The following DTHD1 variants were observed in gnomAD, a reference collection of about 807,000 sequenced individuals.
DTHD1 encodes death domain containing 1, also known as death domain-containing protein 1.
A neutral mutation model predicts 74.8 loss-of-function variants in DTHD1; 59 were observed. That is an observed-to-expected ratio of 0.79 (90% CI 0.64 to 0.98). The LOEUF is 0.98. Among genes scored for constraint, DTHD1 ranks in the 50% least tolerant of loss-of-function variants. The pLI, the probability that DTHD1 is intolerant of heterozygous loss-of-function variation, is 0.00. For missense variants in DTHD1, 1,051 were observed against 1,065.4 expected (o/e 0.99, Z 0.19); for synonymous variants, 365 against 371.1 (o/e 0.98, Z 0.19).
chr4:36,306,207 A>G lies in DTHD1; in HGVS notation c.1660A>G (p.Ile554Val). 6.4e-7 allele frequency: 1 copy of G among 1,551,876 alleles called. No homozygotes were observed. The highest frequency in any genetic ancestry group is 8.7e-7 in the Non-Finnish European group (1 of 1,146,996). Reference sequence around the variant, plus strand: ...ATTATATAGGACAAAAATTGCCTCCATAAGAAAACCTAGGAAAAATGCCAG... The same window carrying G: ...ATTATATAGGACAAAAATTGCCTCCGTAAGAAAACCTAGGAAAAATGCCAG... The part of the protein sequence containing the change: ...SYFNRTKIAS[I>V]RKPRKNASEC... Residue 554 changes from isoleucine to valine, a missense_variant, in exon 6 of 10, where the codon ATA becomes GTA. By Grantham distance (29) the Ile-to-Val change is conservative (BLOSUM62 3). Coordinates refer to ENST00000639862, the MANE Select transcript of DTHD1 (RefSeq NM_001170700.3).
Position 36,292,394 on chromosome 4 carries a change from T to C in DTHD1, c.1219-1132T>C, listed in dbSNP as rs189800968. 2.2e-3 allele frequency among the ~76,000 whole-genome samples: 333 copies of C among 152,372 alleles called. 1 individual carries two copies. The highest frequency in any genetic ancestry group is 7.5e-3 in the African/African-American group (314 of 41,598). On this transcript the variant is annotated intron_variant, in intron 3 of 9. Transcript: ENST00000639862. The stretch of plus-strand genomic sequence containing the variant: ...TAACAAATACAGGCGTGAATTTTTC[T>C]CTTTATAGTAAGAAAAACATTTTAA...
intron 3 of DTHD1, among the ~76,000 whole-genome samples, chr4:36,291,956 C>A (rs978269553): frequency 6.6e-6 from 1 of 151,834 alleles, no homozygotes; most frequent in Non-Finnish European, 1.5e-5. Flanking sequence ...TGTAAGTTGT[C>A]GTTTGATGAG....
chr4:36,314,019 A>C (rs548992338), intron 7 of DTHD1, among the ~76,000 whole-genome samples: 1 of 151,372 alleles, frequency 6.6e-6, no homozygotes, highest in African/African-American at 2.4e-5. Flanking sequence ...CCAAAGTGAG[A>C]CACTCTTAAG....
chr4:36,283,961 T>A lies in DTHD1; in HGVS notation c.272-15T>A. On this transcript the variant is annotated splice_polypyrimidine_tract_variant and intron_variant, in intron 1 of 9. Transcript: ENST00000639862. ...TTTGTATTTATTCTTTGTGTGTCCATGTATGTGTGTGTAGAAATCATTACT... is the reference window on the plus strand; with the variant it reads ...TTTGTATTTATTCTTTGTGTGTCCAAGTATGTGTGTGTAGAAATCATTACT... The A allele has an allele frequency of 2.0e-6, 3 of 1,481,782 alleles. No individual in the cohort carries two copies. Among genetic ancestry groups the A allele is most frequent in the Non-Finnish European group, 2.7e-6 (3 of 1,099,048 alleles). 91.8% of individuals were successfully genotyped at this position (1,481,782 alleles called of 1,614,324 possible).
chr4:36,294,827 T>A lies in DTHD1; in HGVS notation c.1431T>A (p.His477Gln), dbSNP rs1473632537. The A allele has an allele frequency of 1.9e-6, 3 of 1,549,538 alleles. No homozygotes were observed. The highest frequency in any genetic ancestry group is 2.6e-6 in the Non-Finnish European group (3 of 1,145,504). ...IQPVDPALVA[H>Q]LKAQQDTFYS... ...CAGTTGACCCAGCTCTGGTGGCACA[T>A]TTAAAAGCACAGCAAGATACTTTCT... Residue 477 changes from histidine to glutamine, a missense_variant, in exon 5 of 10, where the codon CAT (histidine) becomes CAA (glutamine). By Grantham distance (24) the His-to-Gln change is conservative. Coordinates refer to ENST00000639862, the MANE Select transcript of DTHD1 (RefSeq NM_001170700.3).
intron 7 of DTHD1, among the ~76,000 whole-genome samples, chr4:36,313,198 A>G (rs1055173168): frequency 6.6e-6 from 1 of 152,226 alleles, no homozygotes; most frequent in Non-Finnish European, 1.5e-5. Flanking sequence ...AAGGGACAGC[A>G]GGTAATCCAC....
At chr4:36,318,053 G>T (rs1357957222) in intron 8 of DTHD1, among the ~76,000 whole-genome samples, 1 of 152,208 alleles carries the variant, frequency 6.6e-6, no homozygotes, top group African/African-American at 2.4e-5. Flanking sequence ...TACTTAACAT[G>T]CATTGTATCA....
At chr4:36,283,563 C>T (rs1275643618) in intron 1 of DTHD1, among the ~76,000 whole-genome samples, 1 of 152,106 alleles carries the variant, frequency 6.6e-6, no homozygotes, top group East Asian at 1.9e-4. Flanking sequence ...AATTTTCAGC[C>T]CAGCATTTTA....
chr4:36,338,905 G>T (rs920514029), intron 8 of DTHD1, among the ~76,000 whole-genome samples: 1 of 152,174 alleles, frequency 6.6e-6, no homozygotes, highest in Non-Finnish European at 1.5e-5. Flanking sequence ...AAATTTAAAT[G>T]TGCTGAAATA....
intron 5 of DTHD1, among the ~76,000 whole-genome samples, chr4:36,296,986 A>C (rs1030240007): frequency 6.6e-6 from 1 of 152,222 alleles, no homozygotes; most frequent in Non-Finnish European, 1.5e-5. Flanking sequence ...TGTAAGGTAT[A>C]TGTACTATAT....
chr4:36,337,150 C>A (rs1001219129), intron 8 of DTHD1, among the ~76,000 whole-genome samples: 1 of 151,598 alleles, frequency 6.6e-6, no homozygotes, highest in East Asian at 1.9e-4. Flanking sequence ...AGGGCACAGA[C>A]CAAAATCATG....
rs569681977 is a variant in DTHD1, at chr4:36,347,240, G to A, written c.*3416G>A. 1.6e-4 allele frequency among the ~76,000 whole-genome samples: 24 copies of A among 152,134 alleles called. No individual in the cohort carries two copies. In the South Asian group the frequency reaches 5.0e-3, roughly 31 times the overall value. ...ATTAATTTTAGTATAATCAATTTCT[G>A]AAATTGGTTAAAATGAAATTTTGCA... On this transcript the variant is annotated 3_prime_UTR_variant, in exon 10 of 10. Coordinates refer to ENST00000639862, the MANE Select transcript of DTHD1 (RefSeq NM_001170700.3).
At position 36,344,153 on chromosome 4, in the gene DTHD1, CTTA is replaced by C. The variant is rs1759476069; in HGVS notation, c.*333_*335del. The C allele has an allele frequency of 2.8e-5, 6 of 211,892 alleles. No homozygotes were observed. The South Asian group carries it at 6.3e-4, about 22-fold the overall frequency. 13.1% of individuals were successfully genotyped at this position (211,892 alleles called of 1,614,324 possible). On this transcript the variant is annotated 3_prime_UTR_variant, in exon 10 of 10. Transcript: ENST00000639862. Reference sequence around the variant, plus strand: ...AGAAAAGATCTGATATATGTAATTACTTATTAATTGGTATCTACATAAAATTAA... The same window carrying C: ...AGAAAAGATCTGATATATGTAATTACTTAATTGGTATCTACATAAAATTAA...
intron 2 of DTHD1, among the ~76,000 whole-genome samples, chr4:36,287,722 T>G (rs1011384031): frequency 2.0e-5 from 3 of 152,238 alleles, no homozygotes; most frequent in Non-Finnish European, 4.4e-5. Flanking sequence ...GATTTGCATT[T>G]CCCTGATCAT....
At chr4:36,311,915 T>C (rs886159368) in intron 7 of DTHD1, 1 of 152,346 alleles carries the variant, frequency 6.6e-6, no homozygotes. Context: ...TTTAGATTAC[T>C]GCCTTTGAGA....
intron 7 of DTHD1, among the ~76,000 whole-genome samples, chr4:36,312,006 A>T (rs1757437776): frequency 6.6e-6 from 1 of 152,156 alleles, no homozygotes; most frequent in African/African-American, 2.4e-5. Context: ...CTGTATTTCT[A>T]TCTCTAATAG....
chr4:36,282,058 T>A (rs1755432755), intron 1 of DTHD1, 29 bp downstream of exon 1: 1 of 1,506,182 alleles, frequency 6.6e-7, no homozygotes, highest in Non-Finnish European at 8.9e-7. Context: ...AGTTTATTCT[T>A]TCTCTAAGAA....
chr4:36,344,064 T>C lies in DTHD1; in HGVS notation c.*240T>C. The C allele has an allele frequency of 6.3e-6, 3 of 478,980 alleles. No homozygotes were observed. Among genetic ancestry groups the C allele is most frequent in the Non-Finnish European group, 1.1e-5 (3 of 269,470 alleles). 29.7% of individuals were successfully genotyped at this position (478,980 alleles called of 1,614,324 possible). ...TTTGCAACCATGACTGTCTTGAGTT[T>C]GGCCTCACTTAATAGCATTTGCAAT... is the stretch of plus-strand genomic sequence containing the variant. On this transcript the variant is annotated 3_prime_UTR_variant, in exon 10 of 10. Transcript: ENST00000639862.
intron 2 of DTHD1, among the ~76,000 whole-genome samples, chr4:36,285,919 C>A (rs1488200032): frequency 6.6e-6 from 1 of 152,188 alleles, no homozygotes; most frequent in Non-Finnish European, 1.5e-5. Flanking sequence ...ACTTTCTTCA[C>A]CTGTCACTCA....
Sources: gnomAD v4.1 joint callset for allele counts (sites outside exome capture counted in the v4.1 genomes callset) on GRCh38, gnomAD v4.1.1 for gene constraint, MANE v1.5 for transcripts, NCBI Gene and HGNC (gene_info 2026-07-23, HGNC 2026-07-21) for gene names.